Variants in LPP observed in about 807,000 individuals in gnomAD.
The protein encoded by LPP is LIM domain containing preferred translocation partner in lipoma.
A neutral mutation model predicts 60.4 loss-of-function variants in LPP; 38 were observed. The ratio of observed to expected loss-of-function variants is 0.63; its 90% confidence interval spans 0.49 to 0.83. LPP has a LOEUF of 0.83. Among genes scored for constraint, LPP ranks in the 40% least tolerant of loss-of-function variants. The pLI is 0.00. For missense variants in LPP, 902 were observed against 783.6 expected, an observed-to-expected ratio of 1.15 and a Z score of -1.80; for synonymous variants, 328 against 290.8, an observed-to-expected ratio of 1.13 and a Z score of -1.30.
intron 5 of LPP, among the ~76,000 whole-genome samples, chr3:188,485,814 A>AAAAAAAAAAAAC (rs59334681): frequency 6.9e-6 from 1 of 145,578 alleles, no homozygotes; most frequent in Admixed American, 6.8e-5. Context: ...AAAAAAAAAA[A>AAAAAAAAAAAAC]TGGAATGGTG....
chr3:188,770,544 T>C (rs975806990), intron 9 of LPP, among the ~76,000 whole-genome samples: 3 of 152,044 alleles, frequency 2.0e-5, no homozygotes, highest in African/African-American at 7.2e-5. Context: ...GTGGACTCCA[T>C]ATTAGTACGG....
intron 8 of LPP, among the ~76,000 whole-genome samples, chr3:188,753,164 G>A (rs1438050695): frequency 6.6e-6 from 1 of 152,220 alleles, no homozygotes; most frequent in African/African-American, 2.4e-5. Context: ...CTTTGGCCAG[G>A]TGATGGAACA....
intron 2 of LPP, among the ~76,000 whole-genome samples, chr3:188,276,875 C>G (rs993816227): frequency 6.9e-6 from 1 of 144,498 alleles, no homozygotes; most frequent in Non-Finnish European, 1.5e-5. Flanking sequence ...TTCAACAACT[C>G]AACCACTTCT....
chr3:188,296,185 GAGA>G (rs1023352784), intron 2 of LPP, among the ~76,000 whole-genome samples: 3 of 152,234 alleles, frequency 2.0e-5, no homozygotes, highest in African/African-American at 7.2e-5. Context: ...GGGGAAGGAT[GAGA>G]AGGAGGATTT....
intron 3 of LPP, among the ~76,000 whole-genome samples, chr3:188,368,492 C>T (rs1771879648): frequency 6.6e-6 from 1 of 151,906 alleles, no homozygotes; most frequent in Non-Finnish European, 1.5e-5. Context: ...AAATAGAGGG[C>T]CAGAAGGCTT....
chr3:188,252,456 T>C (rs1419910684), intron 2 of LPP, among the ~76,000 whole-genome samples: 1 of 150,466 alleles, frequency 6.6e-6, no homozygotes, highest in East Asian at 2.0e-4. Flanking sequence ...TGTATTTCCA[T>C]ATCATTGGAT....
chr3:188,850,226 AT>A lies in LPP; in HGVS notation c.1411-15973del, dbSNP rs555495773. Among the ~76,000 whole-genome samples, 604 of 152,362 alleles carry A rather than the reference AT, an allele frequency of 4.0e-3. 4 individuals are homozygous for A. The highest frequency in any genetic ancestry group is 0.013 in the African/African-American group (553 of 41,584). ...GGTCACTTAGGCAGGTATTGTGATT[AT>A]CTAAGTGAGAGATGATAGAACAATA... On this transcript the variant is annotated intron_variant, in intron 9 of 11. Transcript: ENST00000617246.
chr3:188,200,790 T>C (rs1313928685), intron 1 of LPP, among the ~76,000 whole-genome samples: 1 of 152,196 alleles, frequency 6.6e-6, no homozygotes, highest in Non-Finnish European at 1.5e-5. Context: ...AATAGTCTGA[T>C]TGAGCCAGCC....
At chr3:188,164,756 A>G (rs1719425897) in intron 1 of LPP, among the ~76,000 whole-genome samples, 1 of 152,208 alleles carries the variant, frequency 6.6e-6, no homozygotes, top group Non-Finnish European at 1.5e-5. Flanking sequence ...GAGAATATCT[A>G]GGGTTCCAGT....
At chr3:188,695,949 C>G (rs1372743480) in intron 7 of LPP, among the ~76,000 whole-genome samples, 1 of 152,182 alleles carries the variant, frequency 6.6e-6, no homozygotes, top group Non-Finnish European at 1.5e-5. Context: ...CTGCCTAACT[C>G]TTGGTTCTGC....
At chr3:188,713,478 CATG>C (rs1457766222) in intron 8 of LPP, among the ~76,000 whole-genome samples, 1 of 151,368 alleles carries the variant, frequency 6.6e-6, no homozygotes, top group Non-Finnish European at 1.5e-5. Flanking sequence ...ATGTTAATTT[CATG>C]ATGATATTAA....
chr3:188,373,308 T>C (rs146856709), intron 3 of LPP, among the ~76,000 whole-genome samples: 295 of 152,330 alleles, frequency 1.9e-3, no homozygotes, highest in African/African-American at 6.8e-3. Flanking sequence ...GTTGAACTAG[T>C]TCACAGTCCC....
intron 6 of LPP, among the ~76,000 whole-genome samples, chr3:188,580,091 C>T (rs549286358): frequency 2.3e-4 from 35 of 152,106 alleles, no homozygotes; most frequent in Middle Eastern, 6.8e-3. Flanking sequence ...TAAACCTCGG[C>T]TTATACAAAC....
In LPP at chr3:188,881,126, C is replaced by G. The variant is rs1051875787; in HGVS notation, c.*6647C>G. 1.1e-4 allele frequency: 6 copies of G among 52,384 alleles called. No individual in the cohort carries two copies. The highest frequency in any genetic ancestry group is 2.6e-4 in the Non-Finnish European group (5 of 19,178). The allele number at this position is 52,384 out of a possible 1,614,324, so 3.2% of individuals were successfully genotyped here. A position where few individuals can be genotyped will look rare whatever the true frequency, so the allele number is the denominator to read the frequency against. On this transcript the variant is annotated 3_prime_UTR_variant, in exon 12 of 12. Coordinates refer to ENST00000617246, the MANE Select transcript of LPP (RefSeq NM_001375462.1). Reference sequence around the variant, plus strand: ...CTGCAGTCCGGCCTGGGCGAAAGAGCGAGACTCCGTCTCAAAAAAAAAAAA... The same window carrying G: ...CTGCAGTCCGGCCTGGGCGAAAGAGGGAGACTCCGTCTCAAAAAAAAAAAA...
At chr3:188,259,187 A>G (rs1274138882) in intron 2 of LPP, among the ~76,000 whole-genome samples, 1 of 152,140 alleles carries the variant, frequency 6.6e-6, no homozygotes, top group African/African-American at 2.4e-5. Flanking sequence ...TTGCTAATTT[A>G]ATTTACTATT....
At chr3:188,154,993 C>G (rs1239241234) in intron 1 of LPP, among the ~76,000 whole-genome samples, 1 of 152,088 alleles carries the variant, frequency 6.6e-6, no homozygotes, top group South Asian at 2.1e-4. Flanking sequence ...AGCCAGCTAG[C>G]GGCTTGGAGG....
Position 188,609,630 on chromosome 3 carries a change from A to G in LPP, c.899A>G (p.Tyr300Cys), listed in dbSNP as rs866790900. ...APNQGRYYEG[Y>C]YAAGPGYGGR... is the part of the protein sequence containing the mutation. ...AACCAGGGACGCTATTATGAAGGCT[A>G]CTATGCAGCAGGGCCAGGCTATGGG... Residue 300 changes from tyrosine to cysteine, a missense_variant, in exon 7 of 12, where the codon TAC becomes TGC. Transcript: ENST00000617246. This position sits in a 1 kb window ranked among gnomAD's most constrained non-coding sequence, Gnocchi z 6.9. 5.6e-6 allele frequency: 9 copies of G among 1,614,180 alleles called. No individual in the cohort carries two copies. In the Middle Eastern group the frequency reaches 6.6e-4, roughly 118 times the overall value.
intron 1 of LPP, among the ~76,000 whole-genome samples, chr3:188,196,272 A>G (rs182968141): frequency 6.6e-6 from 1 of 151,836 alleles, no homozygotes; most frequent in Non-Finnish European, 1.5e-5. Context: ...TCAGGCCCAC[A>G]CTCCTACATG....
Position 188,812,130 on chromosome 3 carries a change from T to C in LPP, c.1410+51848T>C, listed in dbSNP as rs557238752. Among the ~76,000 whole-genome samples the C allele has an allele frequency of 9.2e-5, 14 of 152,270 alleles. No individual in the cohort carries two copies. In the East Asian group the frequency reaches 2.7e-3, roughly 29 times the overall value. On this transcript the variant is annotated intron_variant, in intron 9 of 11. Transcript: ENST00000617246. Reference sequence around the variant, plus strand: ...CAAGGTTGAGTACGTTTATAGATATTCTATAAATATATTTTATTTTCAACA... The same window carrying C: ...CAAGGTTGAGTACGTTTATAGATATCCTATAAATATATTTTATTTTCAACA...
Sources: allele counts gnomAD v4.1 joint callset (sites outside exome capture counted in the v4.1 genomes callset), GRCh38; gene constraint gnomAD v4.1.1; non-coding constraint Gnocchi (gnomAD v3.1); transcripts MANE v1.5; gene names NCBI Gene and HGNC (gene_info 2026-07-23, HGNC 2026-07-21).